Variants in NEK11 observed in about 807,000 individuals in gnomAD.
NEK11 encodes the protein NIMA related kinase 11.
NEK11 carries 72 observed loss-of-function variants against 80.7 expected under a neutral mutation model. The ratio of observed to expected loss-of-function variants is 0.89; its 90% confidence interval spans 0.74 to 1.08. NEK11 has a LOEUF of 1.08. NEK11 is among the 50% of genes least tolerant of loss of function. NEK11 has a pLI of 0.00. For synonymous variants in NEK11, 251 were observed against 260.7 expected, an observed-to-expected ratio of 0.96 and a Z score of 0.36; for missense variants, 764 against 763.6, an observed-to-expected ratio of 1.00 and a Z score of -0.01.
chr3:131,341,568 T>G (rs2097287160), intron 17 of NEK11, among the ~76,000 whole-genome samples: 1 of 152,228 alleles, frequency 6.6e-6, no homozygotes, highest in South Asian at 2.1e-4. Flanking sequence ...ACTAATATTT[T>G]GAATGCTTCA....
chr3:131,273,401 TC>T, intron 16 of NEK11, 76 bp from the exon 17 acceptor site: 1 of 1,090,264 alleles, frequency 9.2e-7, no homozygotes, highest in Non-Finnish European at 1.4e-6. Context: ...GCTTCTGTTT[TC>T]TGATTGCCCT....
chr3:131,241,267 C>T (rs1321333926), intron 15 of NEK11, among the ~76,000 whole-genome samples: 3 of 151,944 alleles, frequency 2.0e-5, no homozygotes, highest in Non-Finnish European at 2.9e-5. Flanking sequence ...ATGGGCCAAC[C>T]TAAAGAAATA....
intron 14 of NEK11, among the ~76,000 whole-genome samples, chr3:131,175,869 A>G (rs889797559): frequency 1.3e-5 from 2 of 152,238 alleles, no homozygotes; most frequent in African/African-American, 2.4e-5. Context: ...GAACGATGTG[A>G]GTGAAGTCAT....
At chr3:131,145,834 A>G (rs2088083356) in intron 7 of NEK11, among the ~76,000 whole-genome samples, 1 of 152,148 alleles carries the variant, frequency 6.6e-6, no homozygotes, top group African/African-American at 2.4e-5. Flanking sequence ...GGGAATAATA[A>G]TAGTTCCTAC....
chr3:131,290,602 G>C (rs1391487831), intron 17 of NEK11, among the ~76,000 whole-genome samples: 2 of 152,084 alleles, frequency 1.3e-5, no homozygotes, highest in Admixed American at 1.3e-4. Context: ...TAGTGTTCTA[G>C]GCCCAGGGAT....
intron 14 of NEK11, among the ~76,000 whole-genome samples, chr3:131,197,392 T>G (rs1047258329): frequency 1.3e-5 from 2 of 152,162 alleles, no homozygotes; most frequent in African/African-American, 2.4e-5. Flanking sequence ...ATCTTAGTCA[T>G]GGACTGCGTC....
At chr3:131,206,536 A>G (rs1275244487) in intron 14 of NEK11, among the ~76,000 whole-genome samples, 1 of 152,248 alleles carries the variant, frequency 6.6e-6, no homozygotes, top group Non-Finnish European at 1.5e-5. Flanking sequence ...TTTAAAATTC[A>G]ATTAAAATGA....
At chr3:131,324,447 T>C (rs913174927) in intron 17 of NEK11, among the ~76,000 whole-genome samples, 1 of 152,240 alleles carries the variant, frequency 6.6e-6, no homozygotes, top group African/African-American at 2.4e-5. Context: ...TTTTCTCCTT[T>C]GTGATTTTTA....
intron 4 of NEK11, among the ~76,000 whole-genome samples, chr3:131,093,995 C>T (rs148587052): frequency 6.8e-6 from 1 of 147,660 alleles, no homozygotes; most frequent in Non-Finnish European, 1.5e-5. Flanking sequence ...ATCTAGGATG[C>T]CATTTGCTTC....
intron 17 of NEK11, among the ~76,000 whole-genome samples, chr3:131,274,420 C>T (rs1418868478): frequency 6.8e-6 from 1 of 146,892 alleles, no homozygotes; most frequent in African/African-American, 2.7e-5. Context: ...AATAAACATA[C>T]GTGTGCATGT....
intron 17 of NEK11, among the ~76,000 whole-genome samples, chr3:131,315,335 T>G (rs1481977891): frequency 6.6e-6 from 1 of 152,160 alleles, no homozygotes; most frequent in African/African-American, 2.4e-5. Context: ...ATCTGTTTTC[T>G]TTTTTTAGAT....
intron 17 of NEK11, among the ~76,000 whole-genome samples, chr3:131,294,173 C>A (rs977591772): frequency 3.9e-5 from 6 of 151,966 alleles, no homozygotes; most frequent in African/African-American, 1.4e-4. Flanking sequence ...GATTTTATAT[C>A]TTTCTTCCTT....
intron 14 of NEK11, among the ~76,000 whole-genome samples, chr3:131,221,259 A>G (rs2095015070): frequency 6.6e-6 from 1 of 152,046 alleles, no homozygotes; most frequent in Non-Finnish European, 1.5e-5. Context: ...ATTAGAAGGG[A>G]TTTTTATTTC....
chr3:131,063,264 A>T (rs998387784), intron 3 of NEK11, among the ~76,000 whole-genome samples: 1 of 152,154 alleles, frequency 6.6e-6, no homozygotes, highest in Non-Finnish European at 1.5e-5. Flanking sequence ...GACTTAAGCA[A>T]TTCTTCTGCC....
At chr3:131,202,081 C>T (rs1366190807) in intron 14 of NEK11, among the ~76,000 whole-genome samples, 1 of 152,148 alleles carries the variant, frequency 6.6e-6, no homozygotes, top group East Asian at 1.9e-4. Flanking sequence ...GATCCACCCA[C>T]CTTGGACTCC....
chr3:131,110,046 C>A, intron 5 of NEK11, 125 bp downstream of exon 5: 2 of 912,718 alleles, frequency 2.2e-6, no homozygotes, highest in Non-Finnish European at 3.3e-6. Context: ...TAAAATTAAA[C>A]ATCTATAATA....
At chr3:131,104,317 G>T (rs562476385) in intron 4 of NEK11, among the ~76,000 whole-genome samples, 12 of 152,106 alleles carry the variant, frequency 7.9e-5, no homozygotes, top group Non-Finnish European at 1.6e-4. Context: ...AGCTGCTCTG[G>T]GGGCCTAAGC....
intron 14 of NEK11, among the ~76,000 whole-genome samples, chr3:131,188,334 A>T (rs892953224): frequency 3.3e-5 from 5 of 152,134 alleles, no homozygotes; most frequent in African/African-American, 1.2e-4. Flanking sequence ...TGCAAAAGCA[A>T]TTTCAATTTT....
intron 5 of NEK11, among the ~76,000 whole-genome samples, chr3:131,126,843 T>C (rs1008901121): frequency 4.6e-5 from 7 of 152,126 alleles, no homozygotes; most frequent in Non-Finnish European, 1.0e-4. Flanking sequence ...CACATTCTGT[T>C]CTTCATTGCT....
Sources: gnomAD v4.1 joint callset for allele counts (sites outside exome capture counted in the v4.1 genomes callset) on GRCh38, gnomAD v4.1.1 for gene constraint, MANE v1.5 for transcripts, NCBI Gene and HGNC (gene_info 2026-07-23, HGNC 2026-07-21) for gene names.